RRAS2: variants seen among roughly 807,000 people sequenced by gnomAD.
RRAS2 encodes ras-related protein R-Ras2.
In RRAS2, 7 loss-of-function variants were observed where a neutral mutation model predicts 27.6. That is an observed-to-expected ratio of 0.25 (90% confidence interval 0.14 to 0.48). The LOEUF (loss-of-function observed/expected upper bound fraction) is 0.48. Ranked by LOEUF, RRAS2 falls within the 20% of genes least tolerant of loss-of-function variation. The pLI, the probability that RRAS2 is intolerant of heterozygous loss-of-function variation, is 0.99. For synonymous variants in RRAS2, 86 were observed against 90.9 expected (o/e 0.95, Z 0.31); for missense variants, 178 against 256.2 (o/e 0.69, Z 2.08).
At chr11:14,347,773 C>T (rs1482027523) in intron 1 of RRAS2, among the ~76,000 whole-genome samples, 4 of 152,152 alleles carry the variant, frequency 2.6e-5, no homozygotes, top group Admixed American at 2.0e-4. Flanking sequence ...CCTGTCATCA[C>T]ACCACTACAC....
chr11:14,283,412 C>T (rs1554944605), intron 4 of RRAS2, among the ~76,000 whole-genome samples: 1 of 152,158 alleles, frequency 6.6e-6, no homozygotes, highest in Admixed American at 6.5e-5. Context: ...GAGTGCTATG[C>T]TGGCTTCACA....
intron 1 of RRAS2, among the ~76,000 whole-genome samples, chr11:14,306,893 A>T (rs1166413383): frequency 3.5e-4 from 2 of 5,730 alleles, no homozygotes; most frequent in African/African-American, 5.2e-4. Context: ...TGCCAAGATA[A>T]AAAAAAAAAA....
chr11:14,358,764 TG>T lies in RRAS2; in HGVS notation c.106del (p.Gln36SerfsTer5). 1.4e-6 allele frequency: 2 copies of T among 1,431,014 alleles called. No individual in the cohort carries two copies. Among genetic ancestry groups the T allele is most frequent in the Non-Finnish European group, 9.3e-7 (1 of 1,080,026 alleles). 88.6% of individuals were successfully genotyped at this position (1,431,014 alleles called of 1,614,324 possible). On this transcript the variant is annotated frameshift_variant and splice_region_variant, in exon 1 of 6. Coordinates refer to ENST00000256196, the MANE Select transcript of RRAS2 (RefSeq NM_012250.6). LOFTEE classifies it high-confidence loss of function. The surrounding 1 kb of genome is among the most constrained non-coding windows in gnomAD (Gnocchi z 5.1). The part of the protein sequence containing the change: ...GKSALTIQFI[Q>X]SYFVTDYDPT... ...CCCGGGCAGGCCCGCTCCAGGTACC[TG>T]GATGAACTGGATGGTGAGCGCCGAC...
intron 1 of RRAS2, among the ~76,000 whole-genome samples, chr11:14,312,460 C>T (rs897359194): frequency 1.3e-5 from 2 of 152,148 alleles, no homozygotes; most frequent in Non-Finnish European, 2.9e-5. Context: ...TGCTCTGTTG[C>T]CCGCACTGAA....
At chr11:14,281,290 A>C (rs1849528542) in intron 5 of RRAS2, among the ~76,000 whole-genome samples, 2 of 152,182 alleles carry the variant, frequency 1.3e-5, no homozygotes, top group South Asian at 4.1e-4. Flanking sequence ...ACATGTAATA[A>C]TACACGTAAA....
At position 14,278,741 on chromosome 11, in the gene RRAS2, A is replaced by T. The variant is rs1175205699; in HGVS notation, c.*596T>A. On this transcript the variant is annotated 3_prime_UTR_variant, in exon 6 of 6. Transcript: ENST00000256196. ...TATCATCTCCAAGAGTAGGAGTAGT[A>T]ACACAGGGTTTTATAAGCAGTTTTT... 4 of 152,578 alleles carry T rather than the reference A, an allele frequency of 2.6e-5. No individual in the cohort carries two copies. The highest frequency in any genetic ancestry group is 2.6e-4 in the Admixed American group (4 of 15,296). The allele number at this position is 152,578 out of a possible 1,614,324, so 9.5% of individuals were successfully genotyped here. A position where few individuals can be genotyped will look rare whatever the true frequency, so the allele number is the denominator to read the frequency against.
chr11:14,339,297 G>T (rs1463110716), intron 1 of RRAS2, among the ~76,000 whole-genome samples: 6 of 130,944 alleles, frequency 4.6e-5, no homozygotes, highest in African/African-American at 1.1e-4. Flanking sequence ...AAAAAAAGGG[G>T]GGGGGGGGAA....
intron 1 of RRAS2, among the ~76,000 whole-genome samples, chr11:14,322,476 T>C (rs1848248698): frequency 2.6e-5 from 4 of 152,028 alleles, no homozygotes; most frequent in South Asian, 4.1e-4. Context: ...TCAAATGCTA[T>C]ACAAACACAT....
chr11:14,359,157 C>T lies in RRAS2; in HGVS notation c.-287G>A, dbSNP rs1435964579. 1 of 1,020,470 alleles carries T rather than the reference C, an allele frequency of 9.8e-7. No homozygotes were observed. The highest frequency in any genetic ancestry group is 1.2e-6 in the Non-Finnish European group (1 of 853,470). The allele number at this position is 1,020,470 out of a possible 1,614,324, so 63.2% of individuals were successfully genotyped here. A position where few individuals can be genotyped will look rare whatever the true frequency, so the allele number is the denominator to read the frequency against. On this transcript the variant is annotated 5_prime_UTR_variant, in exon 1 of 6. Coordinates refer to ENST00000256196, the MANE Select transcript of RRAS2 (RefSeq NM_012250.6). ...CTCCGCAGCGCCTGCCGAACGCAGC[C>T]TCCAGCGCCGCCACAAATGGCCGTC...
chr11:14,331,708 G>C (rs1447829817), intron 1 of RRAS2, among the ~76,000 whole-genome samples: 5 of 146,652 alleles, frequency 3.4e-5, no homozygotes, highest in Admixed American at 3.4e-4. Context: ...GTTCTGGCAA[G>C]TCTACTACAG....
intron 1 of RRAS2, among the ~76,000 whole-genome samples, chr11:14,304,887 T>A (rs887156292): frequency 6.6e-6 from 1 of 151,784 alleles, no homozygotes; most frequent in African/African-American, 2.4e-5. Flanking sequence ...TCCTCCCTTA[T>A]TTTTTTTGTC....
chr11:14,292,173 C>A (rs1554945872), intron 4 of RRAS2, among the ~76,000 whole-genome samples: 1 of 152,064 alleles, frequency 6.6e-6, no homozygotes, highest in East Asian at 1.9e-4. Context: ...GTATAGACAA[C>A]TTAAAAATAA....
rs1849148586 is a variant in RRAS2 at position 14,359,074 on chromosome 11, C to A, written c.-204G>T. 10 of 1,079,364 alleles carry A rather than the reference C, an allele frequency of 9.3e-6. No individual in the cohort carries two copies. The highest frequency in any genetic ancestry group is 9.0e-6 in the Non-Finnish European group (8 of 891,998). The allele number at this position is 1,079,364 out of a possible 1,614,324, so 66.9% of individuals were successfully genotyped here. ...GGGTACCGCCCGAGGCGCGGAGAAG[C>A]GGGGTGACGGCACGGGCCAGGGGCG... On this transcript the variant is annotated 5_prime_UTR_variant, in exon 1 of 6. Coordinates refer to ENST00000256196, the MANE Select transcript of RRAS2 (RefSeq NM_012250.6).
At position 14,358,243 on chromosome 11, in the gene RRAS2, G is replaced by A; in HGVS notation, c.108+520C>T. 2.0e-6 allele frequency: 2 copies of A among 985,476 alleles called. No homozygotes were observed. Among genetic ancestry groups the A allele is most frequent in the Non-Finnish European group, 2.4e-6 (2 of 829,956 alleles). 61.0% of individuals were successfully genotyped at this position (985,476 alleles called of 1,614,324 possible). On this transcript the variant is annotated intron_variant, in intron 1 of 5. Transcript: ENST00000256196. The surrounding 1 kb of genome is among the most constrained non-coding windows in gnomAD (Gnocchi z 5.1). Reference sequence around the variant, plus strand: ...AAAAAGAGCGTAACACACACACAAAGAAATACACAGTACTTGAAGCGGGCA... The same window carrying A: ...AAAAAGAGCGTAACACACACACAAAAAAATACACAGTACTTGAAGCGGGCA...
chr11:14,312,906 A>T (rs1848008755), intron 1 of RRAS2, among the ~76,000 whole-genome samples: 1 of 152,218 alleles, frequency 6.6e-6, no homozygotes, highest in Non-Finnish European at 1.5e-5. Context: ...TCTCAACCAG[A>T]GATTCCCTCC....
chr11:14,362,026 G>A (rs939265434), upstream of RRAS2, among the ~76,000 whole-genome samples: 1 of 152,106 alleles, frequency 6.6e-6, no homozygotes, highest in African/African-American at 2.4e-5. Flanking sequence ...TATATAAAAG[G>A]TCCAGAATAG....
rs1194684043 is a variant in RRAS2, at chr11:14,359,032, G to A, written c.-162C>T. On this transcript the variant is annotated 5_prime_UTR_variant, in exon 1 of 6. Transcript: ENST00000256196. The stretch of plus-strand genomic sequence containing the variant: ...GGAGGGCCGGTCAGCGCGGTAGCGC[G>A]GCGCTGGGGACTGGCTGGGTACCGC... 5 of 1,124,854 alleles carry A rather than the reference G, an allele frequency of 4.4e-6. No homozygotes were observed. The highest frequency in any genetic ancestry group is 1.7e-5 in the African/African-American group (1 of 60,546). The allele number at this position is 1,124,854 out of a possible 1,614,324, so 69.7% of individuals were successfully genotyped here.
At position 14,359,134 on chromosome 11, in the gene RRAS2, C is replaced by T; in HGVS notation, c.-264G>A. 2.9e-6 allele frequency: 3 copies of T among 1,037,370 alleles called. No individual in the cohort carries two copies. The highest frequency in any genetic ancestry group is 4.6e-5 in the South Asian group (1 of 21,748). The allele number at this position is 1,037,370 out of a possible 1,614,324, so 64.3% of individuals were successfully genotyped here. ...GGGGGGCGCGCTCCTCTACGCGTCT[C>T]CGCAGCGCCTGCCGAACGCAGCCTC... On this transcript the variant is annotated 5_prime_UTR_variant, in exon 1 of 6. Coordinates refer to ENST00000256196, the MANE Select transcript of RRAS2 (RefSeq NM_012250.6).
At chr11:14,325,163 AC>A (rs1388882098) in intron 1 of RRAS2, among the ~76,000 whole-genome samples, 1 of 152,166 alleles carries the variant, frequency 6.6e-6, no homozygotes, top group Non-Finnish European at 1.5e-5. Context: ...CCTCAAACTT[AC>A]CCTGATGTGA....
Sources: gnomAD v4.1 joint callset for allele counts (sites outside exome capture counted in the v4.1 genomes callset) on GRCh38, gnomAD v4.1.1 for gene constraint, Gnocchi (gnomAD v3.1) non-coding constraint, MANE v1.5 for transcripts, NCBI Gene and HGNC (gene_info 2026-07-23, HGNC 2026-07-21) for gene names.